The following GPBP1 variants were observed in gnomAD, a reference collection of about 807,000 sequenced individuals.
The protein encoded by GPBP1 is vasculin.
Under a neutral mutation model 56.5 loss-of-function variants are expected in GPBP1, and 13 were observed. The observed-to-expected ratio is 0.23, with a 90% confidence interval of 0.15 to 0.37. The LOEUF is 0.37. GPBP1 is among the 10% of genes least tolerant of loss of function. The probability of loss-of-function intolerance (pLI) is 1.00; values close to 1 mark genes in which losing one functional copy is unlikely to be tolerated. For missense variants in GPBP1, 477 were observed against 572.3 expected, an observed-to-expected ratio of 0.83 and a Z score of 1.70; for synonymous variants, 204 against 188.9, an observed-to-expected ratio of 1.08 and a Z score of -0.66.
intron 3 of GPBP1, among the ~76,000 whole-genome samples, chr5:57,228,821 C>CCTAT (rs768859723): frequency 6.7e-6 from 1 of 149,912 alleles, no homozygotes; most frequent in Non-Finnish European, 1.5e-5. Flanking sequence ...AAAAAACTAA[C>CCTAT]CATAAAGACT....
intron 2 of GPBP1, among the ~76,000 whole-genome samples, chr5:57,204,254 T>C (rs974435168): frequency 4.0e-5 from 6 of 151,728 alleles, no homozygotes; most frequent in African/African-American, 1.4e-4. Flanking sequence ...TTTTTTTGTT[T>C]TGTCTTGTTT....
chr5:57,199,640 A>C (rs1754912281), intron 2 of GPBP1, among the ~76,000 whole-genome samples: 1 of 152,028 alleles, frequency 6.6e-6, no homozygotes, highest in Non-Finnish European at 1.5e-5. Context: ...GGTGTGCTGC[A>C]CCCATTAACT....
intron 2 of GPBP1, among the ~76,000 whole-genome samples, chr5:57,205,258 T>C (rs1755184018): frequency 6.6e-6 from 1 of 152,238 alleles, no homozygotes; most frequent in African/African-American, 2.4e-5. Flanking sequence ...TCAGCATGTG[T>C]TAGTAATTCA....
chr5:57,219,430 A>AC (rs1554067241), intron 3 of GPBP1, among the ~76,000 whole-genome samples: 8 of 146,472 alleles, frequency 5.5e-5, no homozygotes, highest in Non-Finnish European at 7.5e-5. Flanking sequence ...AAAAAAAAAA[A>AC]CAACAAAACC....
chr5:57,219,786 C>T (rs1755872818), intron 3 of GPBP1, among the ~76,000 whole-genome samples: 1 of 152,100 alleles, frequency 6.6e-6, no homozygotes, highest in Non-Finnish European at 1.5e-5. Context: ...GGTGCGGTGG[C>T]TCATGCCTGT....
At chr5:57,249,294 A>C (rs1450130723) in intron 8 of GPBP1, 115 bp from the exon 9 acceptor site, 3 of 757,284 alleles carry the variant, frequency 4.0e-6, no homozygotes, top group Non-Finnish European at 6.4e-6. Context: ...TAGACATTAT[A>C]ATCAATTTTA....
Position 57,184,293 on chromosome 5 carries a change from G to A in GPBP1, c.-58+7893G>A, listed in dbSNP as rs151277660. Among the ~76,000 whole-genome samples the A allele has an allele frequency of 2.0e-5, 3 of 152,224 alleles. No individual in the cohort carries two copies. In the East Asian group the frequency reaches 5.8e-4, roughly 29 times the overall value. On this transcript the variant is annotated intron_variant, in intron 2 of 11. Coordinates refer to ENST00000506184, the MANE Select transcript of GPBP1 (RefSeq NM_022913.4). ...TACATAACTTTGTTAGTCTGTTTTT[G>A]TGTTGCTTTGAAGAAACACCTGAGA...
chr5:57,195,027 C>T (rs1448976322), intron 2 of GPBP1, among the ~76,000 whole-genome samples: 2 of 151,598 alleles, frequency 1.3e-5, no homozygotes, highest in African/African-American at 4.8e-5. Context: ...CAGCAGTGGG[C>T]TTGCTGGATC....
intron 6 of GPBP1, chr5:57,237,622 GTACTTCCCATAGGAATAC>G (rs1459203305): frequency 6.2e-6 from 1 of 161,736 alleles, no homozygotes; most frequent in African/African-American, 2.4e-5. Flanking sequence ...TAAATTCCCA[GTACTTCCCATAGGAATAC>G]AATGAAACTC....
chr5:57,249,485 G>T lies in GPBP1; in HGVS notation c.881G>T (p.Arg294Leu). The change falls in exon 9 of 12, where the codon CGC becomes CTC. Residue 294 changes from arginine (R) to leucine (L), a missense_variant. Arg to Leu is a moderately radical substitution (Grantham distance 102, BLOSUM62 -2). This residue lies in a region of GPBP1 where 414 missense variants were observed against 458.2 expected (regional missense o/e 0.90). Transcript: ENST00000506184. ...QPRLTKLTRM[R>L]TDKKSEFLKA... ...CGTCTAACCAAACTGACACGAATGC[G>T]CACTGATAAGAAGAGTGAATTTTTG... 6.2e-7 allele frequency: 1 copy of T among 1,612,514 alleles called. No homozygotes were observed. Among genetic ancestry groups the T allele is most frequent in the Non-Finnish European group, 8.5e-7 (1 of 1,179,258 alleles).
At chr5:57,220,612 A>G (rs1356916958) in intron 3 of GPBP1, among the ~76,000 whole-genome samples, 2 of 151,896 alleles carry the variant, frequency 1.3e-5, no homozygotes, top group African/African-American at 4.8e-5. Context: ...GGTTCCTGCT[A>G]TCACACCCAG....
At chr5:57,208,053 A>G (rs1222789290) in intron 2 of GPBP1, among the ~76,000 whole-genome samples, 1 of 151,978 alleles carries the variant, frequency 6.6e-6, no homozygotes, top group Non-Finnish European at 1.5e-5. Flanking sequence ...TTGGTCAGGA[A>G]AACAGAAATG....
chr5:57,229,679 C>T (rs1251971064), intron 3 of GPBP1, among the ~76,000 whole-genome samples: 1 of 151,750 alleles, frequency 6.6e-6, no homozygotes, highest in Non-Finnish European at 1.5e-5. Flanking sequence ...GAACTACAGG[C>T]GTGTGCCACC....
chr5:57,220,821 A>C (rs1451180888), intron 3 of GPBP1, among the ~76,000 whole-genome samples: 1 of 149,912 alleles, frequency 6.7e-6, no homozygotes, highest in Middle Eastern at 3.2e-3. Flanking sequence ...TGGTTTTGAC[A>C]AACACAATAC....
At chr5:57,177,648 CTTTTTTTTTTTTTTTTTT>C (rs58708281) in intron 2 of GPBP1, among the ~76,000 whole-genome samples, 11 of 92,240 alleles carry the variant, frequency 1.2e-4, no homozygotes, top group Admixed American at 8.4e-4. Context: ...CAATTTTTGC[CTTTTTTTTTTTTTTTTTT>C]TTTTTTTTTT....
At chr5:57,202,174 G>A (rs1477500292) in intron 2 of GPBP1, among the ~76,000 whole-genome samples, 1 of 151,960 alleles carries the variant, frequency 6.6e-6, no homozygotes, top group Non-Finnish European at 1.5e-5. Flanking sequence ...TTGTAGAGGC[G>A]AGGTTTCACC....
intron 2 of GPBP1, among the ~76,000 whole-genome samples, chr5:57,202,195 G>T (rs1238082966): frequency 2.0e-5 from 3 of 152,096 alleles, no homozygotes; most frequent in Non-Finnish European, 2.9e-5. Context: ...ATGTTGACCA[G>T]GCTGGTCTCA....
chr5:57,234,731 C>T (rs1289302828), intron 5 of GPBP1, among the ~76,000 whole-genome samples: 1 of 152,184 alleles, frequency 6.6e-6, no homozygotes, highest in Non-Finnish European at 1.5e-5. Context: ...ATCACTGGCT[C>T]TGAGATACAG....
chr5:57,247,388 G>A (rs563840344), intron 8 of GPBP1, among the ~76,000 whole-genome samples, 173 bp downstream of exon 8: 1 of 152,234 alleles, frequency 6.6e-6, no homozygotes, highest in Admixed American at 6.5e-5. Context: ...GGGAAAGTAG[G>A]AATCATTTAA....
Sources: allele counts gnomAD v4.1 joint callset (sites outside exome capture counted in the v4.1 genomes callset), GRCh38; gene constraint gnomAD v4.1.1; regional missense constraint gnomAD v4.1.1; transcripts MANE v1.5; gene names NCBI Gene and HGNC (gene_info 2026-07-23, HGNC 2026-07-21).